Variants in WDR18 observed in about 807,000 individuals in gnomAD.
WDR18 encodes WD repeat domain 18.
In WDR18, 33 loss-of-function variants were observed where a neutral mutation model predicts 49.6. The ratio of observed to expected loss-of-function variants is 0.67; its 90% confidence interval spans 0.50 to 0.89. The LOEUF is 0.89. Among genes scored for constraint, WDR18 ranks in the 40% least tolerant of loss-of-function variants. The probability of loss-of-function intolerance (pLI) is 0.00; values close to 1 mark genes in which losing one functional copy is unlikely to be tolerated. For synonymous variants in WDR18, 315 were observed against 263.6 expected, an observed-to-expected ratio of 1.19 and a Z score of -1.89; for missense variants, 653 against 593.6, an observed-to-expected ratio of 1.10 and a Z score of -1.04.
chr19:987,259 C>G (rs1016439064), intron 2 of WDR18, among the ~76,000 whole-genome samples: 1 of 152,136 alleles, frequency 6.6e-6, no homozygotes, highest in Non-Finnish European at 1.5e-5. Context: ...ATGAGAATCA[C>G]TTGAATCCGA....
At position 992,085 on chromosome 19, in the gene WDR18, CG is replaced by C; in HGVS notation, c.1067del (p.Gly356AlafsTer47). 2.6e-6 allele frequency: 4 copies of C among 1,549,710 alleles called. No homozygotes were observed. Among genetic ancestry groups the C allele is most frequent in the African/African-American group, 1.4e-5 (1 of 71,510 alleles). On this transcript the variant is annotated frameshift_variant, in exon 8 of 10. Transcript: ENST00000585809. LOFTEE classifies it high-confidence loss of function. Reference sequence around the variant, plus strand: ...CCGAGCACGGGGACGAGCCGCGCCACGGGGGCCTCACTCTGCGCCTGGGCCT... The same window carrying C: ...CCGAGCACGGGGACGAGCCGCGCCACGGGGCCTCACTCTGCGCCTGGGCCT... ...GAEHGDEPRH[G>X]GLTLRLGLHQ...
chr19:993,925 C>T, intron 8 of WDR18, 95 bp from the exon 9 acceptor site: 1 of 1,411,034 alleles, frequency 7.1e-7, no homozygotes, highest in South Asian at 1.2e-5. Flanking sequence ...CCCTCCCTGG[C>T]TGAGTGGCTG....
intron 8 of WDR18, 135 bp downstream of exon 8, chr19:992,256 G>T: frequency 8.8e-7 from 1 of 1,138,132 alleles, no homozygotes; most frequent in Non-Finnish European, 1.2e-6. Flanking sequence ...GGCGCGTCCT[G>T]TGAGTGGGAT....
In WDR18 at chr19:990,949, G is replaced by T. The variant is rs2038537043; in HGVS notation, c.695G>T (p.Cys232Phe). The change falls in exon 5 of 10, where the codon TGC becomes TTC. Residue 232 changes from cysteine (C) to phenylalanine (F), a missense_variant. By Grantham distance (205) the Cys-to-Phe change is radical. Transcript: ENST00000585809. ...GACCTGGCTGAGCACCATATGTTCTGCGGGGGCAGTGAGGGCTCCATCTTC... is the reference window on the plus strand; with the variant it reads ...GACCTGGCTGAGCACCATATGTTCTTCGGGGGCAGTGAGGGCTCCATCTTC... Reference protein sequence around the residue: ...TMDLAEHHMFCGGSEGSIFQV... With the variant: ...TMDLAEHHMFFGGSEGSIFQV... 6.2e-7 allele frequency: 1 copy of T among 1,612,396 alleles called. No homozygotes were observed. The highest frequency in any genetic ancestry group is 1.3e-5 in the African/African-American group (1 of 74,930).
chr19:989,334 C>T (rs991942755), intron 2 of WDR18, among the ~76,000 whole-genome samples: 40 of 152,048 alleles, frequency 2.6e-4, no homozygotes, highest in African/African-American at 9.7e-4. Context: ...AAGCTGCCAC[C>T]ACCCTGGGTC....
chr19:988,012 T>TA, intron 2 of WDR18, among the ~76,000 whole-genome samples: 2 of 151,928 alleles, frequency 1.3e-5, no homozygotes, highest in East Asian at 3.9e-4. Flanking sequence ...GTATTTTTAT[T>TA]AGAGACGGAG....
In WDR18 at chr19:991,311, C is replaced by G. The variant is rs563026050; in HGVS notation, c.891C>G (p.Asp297Glu). 1.7e-5 allele frequency: 26 copies of G among 1,560,190 alleles called. No homozygotes were observed. The Admixed American group carries it at 4.2e-4, about 25-fold the overall frequency. ...GSHDETVRLW[D>E]VQSKQCIRTV... ...ACGACGAGACCGTGCGCCTCTGGGA[C>G]GTGCAGAGCAAGCAGTGCATCCGGA... The change falls in exon 7 of 10, where the codon GAC becomes GAG. Residue 297 changes from aspartate (D) to glutamate (E), a missense_variant. Transcript: ENST00000585809.
intron 2 of WDR18, among the ~76,000 whole-genome samples, chr19:987,220 A>G (rs2038484500): frequency 6.6e-6 from 1 of 152,182 alleles, no homozygotes; most frequent in Non-Finnish European, 1.5e-5. Context: ...GCATACACCT[A>G]TAGTCCCAGC....
chr19:993,895 T>G, intron 8 of WDR18, 125 bp from the exon 9 acceptor site: 7 of 1,049,230 alleles, frequency 6.7e-6, no homozygotes, highest in Non-Finnish European at 9.9e-6. Flanking sequence ...TTCCCTTCTG[T>G]CTGTGGGCGT....
chr19:990,906 A>T lies in WDR18; in HGVS notation c.652A>T (p.Ile218Phe). The change falls in exon 5 of 10, where the codon ATC (isoleucine) becomes TTC (phenylalanine). Residue 218 changes from isoleucine to phenylalanine, a missense_variant. By Grantham distance (21) the Ile-to-Phe change is conservative (BLOSUM62 0). Transcript: ENST00000585809. The part of the protein sequence containing the change: ...LLLSVLFDVS[I>F]MAVTMDLAEH... The stretch of plus-strand genomic sequence containing the variant: ...GCTCTCCGTCCTCTTTGACGTGTCC[A>T]TCATGGCAGTGACCATGGACCTGGC... The T allele has an allele frequency of 6.2e-7, 1 of 1,612,748 alleles. No individual in the cohort carries two copies. Among genetic ancestry groups the T allele is most frequent in the Non-Finnish European group, 8.5e-7 (1 of 1,179,872 alleles).
chr19:992,022 C>G lies in WDR18; in HGVS notation c.999C>G (p.Ser333Arg). 1.9e-6 allele frequency: 3 copies of G among 1,594,150 alleles called. No individual in the cohort carries two copies. Among genetic ancestry groups the G allele is most frequent in the East Asian group, 2.3e-5 (1 of 43,480 alleles). ...TGCTGAGCTCAGACTTCAGGCCCAG[C>G]CTGCCGCTGCCCCACTTCAACAAGC... ...VSMLSSDFRP[S>R]LPLPHFNKHL... Residue 333 changes from serine to arginine, a missense_variant, in exon 8 of 10, where the codon AGC (serine) becomes AGG (arginine). Coordinates refer to ENST00000585809, the MANE Select transcript of WDR18 (RefSeq NM_024100.4).
rs772296441 is a variant in WDR18, at chr19:992,078, C to T, written c.1055C>T (p.Pro352Leu). ...HLLGAEHGDE[P>L]RHGGLTLRLG... The stretch of plus-strand genomic sequence containing the variant: ...CTGGGCGCCGAGCACGGGGACGAGC[C>T]GCGCCACGGGGGCCTCACTCTGCGC... Residue 352 changes from proline (P) to leucine (L), a missense_variant, in exon 8 of 10, where the codon CCG becomes CTG. Coordinates refer to ENST00000585809, the MANE Select transcript of WDR18 (RefSeq NM_024100.4). 16 of 1,557,428 alleles carry T rather than the reference C, an allele frequency of 1.0e-5. No individual in the cohort carries two copies. Among genetic ancestry groups the T allele is most frequent in the African/African-American group, 1.4e-5 (1 of 71,660 alleles).
At chr19:989,039 GGC>G (rs1173968916) in intron 2 of WDR18, among the ~76,000 whole-genome samples, 306 of 96,790 alleles carry the variant, frequency 3.2e-3, no homozygotes, top group Middle Eastern at 6.2e-3. Flanking sequence ...GAGCATCTCA[GGC>G]CTCGAACCCA....
chr19:991,188 G>C, intron 6 of WDR18, 39 bp from the exon 7 acceptor site: 2 of 1,444,172 alleles, frequency 1.4e-6, no homozygotes, highest in African/African-American at 2.4e-5. Flanking sequence ...GGCACGTCCT[G>C]TCTGGCACGT....
At chr19:993,636 C>T (rs1254152571) in intron 8 of WDR18, among the ~76,000 whole-genome samples, 1 of 152,274 alleles carries the variant, frequency 6.6e-6, no homozygotes, top group Admixed American at 6.5e-5. Flanking sequence ...AGGCTCTCCC[C>T]ATGGCTGGAG....
upstream of WDR18, chr19:984,223 T>C: frequency 1.0e-6 from 1 of 967,342 alleles, no homozygotes; most frequent in Non-Finnish European, 1.4e-6. Context: ...AAAGCCCCTC[T>C]CTCCGAGGCA....
At chr19:988,229 G>A (rs1250132838) in intron 2 of WDR18, among the ~76,000 whole-genome samples, 2 of 152,130 alleles carry the variant, frequency 1.3e-5, no homozygotes, top group Admixed American at 1.3e-4. Flanking sequence ...CCCCTGCCAC[G>A]GTCGAAATCC....
chr19:990,038 T>C (rs2038522934), intron 3 of WDR18, 143 bp downstream of exon 3: 1 of 1,416,956 alleles, frequency 7.1e-7, no homozygotes, highest in Non-Finnish European at 9.3e-7. Context: ...CCAGGGGTCC[T>C]GGCTGCCCAC....
chr19:985,859 C>G lies in WDR18; in HGVS notation c.211-6C>G. 1 of 1,613,738 alleles carries G rather than the reference C, an allele frequency of 6.2e-7. No individual in the cohort carries two copies. Among genetic ancestry groups the G allele is most frequent in the Non-Finnish European group, 8.5e-7 (1 of 1,179,892 alleles). ...GGGGCTCACGAGGCTGACTGTGCATCCTTAGGACCAGCTCCAGCAGAAGAT... is the reference window on the plus strand; with the variant it reads ...GGGGCTCACGAGGCTGACTGTGCATGCTTAGGACCAGCTCCAGCAGAAGAT... On this transcript the variant is annotated splice_region_variant and splice_polypyrimidine_tract_variant and intron_variant, in intron 1 of 9. Transcript: ENST00000585809.
Sources: allele counts gnomAD v4.1 joint callset (sites outside exome capture counted in the v4.1 genomes callset), GRCh38; gene constraint gnomAD v4.1.1; transcripts MANE v1.5; gene names NCBI Gene and HGNC (gene_info 2026-07-23, HGNC 2026-07-21).